Variants in EIF4G3 observed in about 807,000 individuals in gnomAD.
EIF4G3 encodes the protein eIF-4-gamma 3.
In EIF4G3, 34 loss-of-function variants were observed where a neutral mutation model predicts 186.4. The observed-to-expected ratio is 0.18, with a 90% CI of 0.14 to 0.24. The LOEUF is 0.24. Ranked by LOEUF, EIF4G3 falls within the 10% of genes least tolerant of loss-of-function variation. EIF4G3 has a pLI of 1.00. For missense variants in EIF4G3, 1,536 were observed against 1,948.5 expected, an observed-to-expected ratio of 0.79 and a Z score of 3.99; for synonymous variants, 673 against 679.5, an observed-to-expected ratio of 0.99 and a Z score of 0.15.
At chr1:20,844,655 A>C (rs2070070172) in intron 29 of EIF4G3, among the ~76,000 whole-genome samples, 1 of 151,890 alleles carries the variant, frequency 6.6e-6, no homozygotes, top group Non-Finnish European at 1.5e-5. Context: ...ACGTGGCGAA[A>C]CCCCGTCTCT....
intron 4 of EIF4G3, among the ~76,000 whole-genome samples, chr1:21,041,782 A>G (rs2093598239): frequency 1.3e-5 from 2 of 152,238 alleles, no homozygotes; most frequent in Non-Finnish European, 2.9e-5. Flanking sequence ...CAAGGGAGAC[A>G]GAATTTAGAT....
chr1:21,157,109 T>C (rs1573504272), intron 2 of EIF4G3, among the ~76,000 whole-genome samples: 1 of 152,232 alleles, frequency 6.6e-6, no homozygotes, highest in East Asian at 1.9e-4. Context: ...ATCCAAAGGT[T>C]CTCCAAAATT....
intron 30 of EIF4G3, among the ~76,000 whole-genome samples, chr1:20,840,040 A>G (rs1438522583): frequency 1.3e-5 from 2 of 152,166 alleles, no homozygotes; most frequent in African/African-American, 4.8e-5. Context: ...AGGAGATCCT[A>G]GTTGCTATTC....
rs116283372 is a variant in EIF4G3 at position 20,923,509 on chromosome 1, T to C, written c.1663+17982A>G. ...TCTAGTACAGATGCAAAAAAGTCAA[T>C]CACTACAGCACAAATATGTAATTTA... On this transcript the variant is annotated intron_variant, in intron 14 of 36. Coordinates refer to ENST00000602326, the MANE Select transcript of EIF4G3 (RefSeq NM_001391906.1). Among the ~76,000 whole-genome samples the C allele has an allele frequency of 8.5e-4, 130 of 152,226 alleles. 1 individual carries two copies. Among genetic ancestry groups the C allele is most frequent in the African/African-American group, 2.1e-3 (89 of 41,548 alleles).
intron 18 of EIF4G3, chr1:20,892,851 T>A (rs1475380206): frequency 9.2e-6 from 6 of 654,434 alleles, no homozygotes; most frequent in Non-Finnish European, 1.5e-5. Context: ...GTATATATAT[T>A]TTTTCAGAGA....
At chr1:20,982,528 G>A in intron 7 of EIF4G3, 120 bp from the exon 8 acceptor site, 1 of 585,766 alleles carries the variant, frequency 1.7e-6, no homozygotes, top group South Asian at 2.7e-5. Context: ...TTTCTATTTA[G>A]TAATAATAGG....
intron 3 of EIF4G3, among the ~76,000 whole-genome samples, chr1:21,061,893 A>G (rs895910482): frequency 6.6e-6 from 1 of 151,572 alleles, no homozygotes; most frequent in Non-Finnish European, 1.5e-5. Context: ...GACTACAGGC[A>G]CATGCCACCA....
chr1:21,042,310 T>C (rs1290020946), intron 4 of EIF4G3, among the ~76,000 whole-genome samples: 1 of 152,206 alleles, frequency 6.6e-6, no homozygotes, highest in Non-Finnish European at 1.5e-5. Flanking sequence ...TCGTTCTATA[T>C]ATCAATTTAT....
intron 2 of EIF4G3, among the ~76,000 whole-genome samples, chr1:21,095,613 T>A (rs969385203): frequency 6.6e-6 from 1 of 152,160 alleles, no homozygotes; most frequent in South Asian, 2.1e-4. Flanking sequence ...ACACCTGACC[T>A]ATATTAGATT....
intron 2 of EIF4G3, among the ~76,000 whole-genome samples, chr1:21,150,709 G>A (rs1398480599): frequency 6.6e-6 from 1 of 152,210 alleles, no homozygotes; most frequent in Non-Finnish European, 1.5e-5. Context: ...GGGTGCGGTG[G>A]CTCAGGCCTG....
chr1:21,138,725 C>T (rs766438129), intron 2 of EIF4G3, among the ~76,000 whole-genome samples: 3 of 152,002 alleles, frequency 2.0e-5, no homozygotes, highest in African/African-American at 4.8e-5. Context: ...GCAGGAGAAT[C>T]GCTTGAACCT....
intron 3 of EIF4G3, among the ~76,000 whole-genome samples, chr1:21,077,817 T>C (rs936266443): frequency 2.7e-5 from 4 of 148,096 alleles, no homozygotes; most frequent in Non-Finnish European, 4.5e-5. Context: ...GAGGCGGAGG[T>C]TGTGGTGAGC....
chr1:20,999,190 C>T (rs1436956342), intron 6 of EIF4G3, among the ~76,000 whole-genome samples: 1 of 152,140 alleles, frequency 6.6e-6, no homozygotes, highest in African/African-American at 2.4e-5. Context: ...GACCTACAAG[C>T]TTGGGTTATG....
chr1:21,038,352 A>G (rs2093360497), intron 4 of EIF4G3, among the ~76,000 whole-genome samples: 1 of 152,230 alleles, frequency 6.6e-6, no homozygotes, highest in Admixed American at 6.5e-5. Flanking sequence ...ATTCCCAACA[A>G]AAGTATTCTA....
chr1:21,124,335 C>A (rs1217895099), intron 2 of EIF4G3, among the ~76,000 whole-genome samples: 1 of 151,970 alleles, frequency 6.6e-6, no homozygotes, highest in Non-Finnish European at 1.5e-5. Flanking sequence ...CAAGAAATGT[C>A]CTTCATCTGG....
intron 2 of EIF4G3, among the ~76,000 whole-genome samples, chr1:21,108,093 T>C (rs534965276): frequency 6.6e-6 from 1 of 152,188 alleles, no homozygotes; most frequent in South Asian, 2.1e-4. Context: ...GGATGCAGTG[T>C]TGAGATCACA....
intron 4 of EIF4G3, among the ~76,000 whole-genome samples, chr1:21,018,519 C>T (rs993990722): frequency 6.6e-6 from 1 of 151,530 alleles, no homozygotes; most frequent in Non-Finnish European, 1.5e-5. Context: ...GAGATCACGC[C>T]ACTGCACTCC....
At chr1:21,128,206 C>CA (rs11462443) in intron 2 of EIF4G3, among the ~76,000 whole-genome samples, 12,581 of 106,828 alleles carry the variant, frequency 0.12, 793 homozygotes, top group South Asian at 0.3. Flanking sequence ...GACTCCGTCT[C>CA]AAAAAAAAAA....
At chr1:20,858,187 C>A (rs2075488953) in intron 24 of EIF4G3, among the ~76,000 whole-genome samples, 1 of 152,078 alleles carries the variant, frequency 6.6e-6, no homozygotes, top group Non-Finnish European at 1.5e-5. Flanking sequence ...CTTTTTTGTT[C>A]AAAACACTTC....
Sources: allele counts gnomAD v4.1 joint callset (sites outside exome capture counted in the v4.1 genomes callset), GRCh38; gene constraint gnomAD v4.1.1; transcripts MANE v1.5; gene names NCBI Gene and HGNC (gene_info 2026-07-23, HGNC 2026-07-21).